Variants in NUTF2 observed in about 807,000 individuals in gnomAD.
NUTF2 encodes the protein nuclear transport factor 2.
A neutral mutation model predicts 18.5 loss-of-function variants in NUTF2; 3 were observed. The ratio of observed to expected loss-of-function variants is 0.16; its 90% CI spans 0.07 to 0.42. NUTF2 has a LOEUF of 0.42. NUTF2 is among the 10% of genes least tolerant of loss of function. NUTF2 has a pLI of 0.99. For missense variants in NUTF2, 44 were observed against 160.7 expected (o/e 0.27, Z 3.93); for synonymous variants, 51 against 57.9 (o/e 0.88, Z 0.54).
At chr16:67,869,002 C>A (rs2057993528) in intron 4 of NUTF2, among the ~76,000 whole-genome samples, 1 of 151,992 alleles carries the variant, frequency 6.6e-6, no homozygotes, top group Admixed American at 6.6e-5. Context: ...GCAGTCCACT[C>A]CTGCAGCCCT....
chr16:67,852,181 G>A (rs2057864333), intron 1 of NUTF2, among the ~76,000 whole-genome samples: 1 of 151,986 alleles, frequency 6.6e-6, no homozygotes, highest in Non-Finnish European at 1.5e-5. Context: ...TAGCCAGTGT[G>A]GTTGTGGTGT....
chr16:67,860,862 C>G (rs1327461190), intron 1 of NUTF2, among the ~76,000 whole-genome samples: 3 of 152,222 alleles, frequency 2.0e-5, no homozygotes, highest in Non-Finnish European at 2.9e-5. Flanking sequence ...GCTCTGTCTG[C>G]TTTGCTGAGA....
intron 4 of NUTF2, chr16:67,868,954 C>T (rs2057993229): frequency 4.9e-6 from 1 of 203,718 alleles, no homozygotes; most frequent in Non-Finnish European, 1.0e-5. Flanking sequence ...CCACTCTGCC[C>T]TAAGGTCAAG....
chr16:67,853,357 AATT>A (rs1281423039), intron 1 of NUTF2, among the ~76,000 whole-genome samples: 4 of 151,862 alleles, frequency 2.6e-5, no homozygotes, highest in Non-Finnish European at 4.4e-5. Flanking sequence ...ACGCTTGGCT[AATT>A]ATTATTATTA....
chr16:67,850,208 CTT>C (rs1257563525), intron 1 of NUTF2, among the ~76,000 whole-genome samples: 6 of 144,222 alleles, frequency 4.2e-5, no homozygotes, highest in Admixed American at 7.0e-5. Context: ...CCTGTAACTT[CTT>C]TTTTTTTTTT....
At chr16:67,868,149 C>T (rs1303301238) in intron 2 of NUTF2, among the ~76,000 whole-genome samples, 191 bp from the exon 3 acceptor site, 1 of 152,158 alleles carries the variant, frequency 6.6e-6, no homozygotes, top group Non-Finnish European at 1.5e-5. Flanking sequence ...AAAGCCTGGG[C>T]CCAGGGTCAA....
At chr16:67,857,593 C>G (rs556475802) in intron 1 of NUTF2, among the ~76,000 whole-genome samples, 1 of 152,332 alleles carries the variant, frequency 6.6e-6, no homozygotes, top group East Asian at 1.9e-4. Context: ...TGACTCCTTA[C>G]AGCTGGGTCC....
chr16:67,856,129 G>A, intron 1 of NUTF2: 1 of 440,514 alleles, frequency 2.3e-6, no homozygotes, highest in Non-Finnish European at 4.3e-6. Context: ...ACCTGATTTT[G>A]TCACTTAGGT....
chr16:67,868,275 T>G, intron 2 of NUTF2, 65 bp from the exon 3 acceptor site: 1 of 1,472,482 alleles, frequency 6.8e-7, no homozygotes. Context: ...TCAGAGTCTT[T>G]CCAGGGCCTT....
Position 67,854,884 on chromosome 16 carries a change from G to A in NUTF2, c.-30+7899G>A, listed in dbSNP as rs576425225. 2.0e-5 allele frequency among the ~76,000 whole-genome samples: 3 copies of A among 152,244 alleles called. No homozygotes were observed. In the South Asian group the frequency reaches 6.2e-4, roughly 32 times the overall value. On this transcript the variant is annotated intron_variant, in intron 1 of 4. Transcript: ENST00000219169. The stretch of plus-strand genomic sequence containing the variant: ...TTGAACCTGGGAGGCGGAGGTTGCG[G>A]TGAGCCAAGATCGCGCCACTGCACT...
At chr16:67,850,845 G>A (rs532528126) in intron 1 of NUTF2, among the ~76,000 whole-genome samples, 5 of 152,022 alleles carry the variant, frequency 3.3e-5, no homozygotes, top group African/African-American at 1.2e-4. Flanking sequence ...CTGTTGCCCA[G>A]GCTGGAGTGC....
intron 1 of NUTF2, among the ~76,000 whole-genome samples, chr16:67,855,360 G>C (rs549446428): frequency 2.0e-5 from 3 of 152,308 alleles, no homozygotes; most frequent in African/African-American, 7.2e-5. Flanking sequence ...GGCCTGCCTA[G>C]GGGCCACAGG....
rs71721636 is a variant in NUTF2, at chr16:67,869,084, CTTTTT to C, written c.270+498_270+502del. 2.4e-3 allele frequency among the ~76,000 whole-genome samples: 325 copies of C among 135,852 alleles called. 1 individual carries two copies. Among genetic ancestry groups the C allele is most frequent in the African/African-American group, 8.6e-3 (314 of 36,474 alleles). The allele number at this position is 135,852 out of a possible 152,430, so 89.1% of individuals were successfully genotyped here. ...AAGCAGATTCCTGGAACTCCTATTT[CTTTTT>C]TTTTTTTTTTTTGAGACGGAGTCTC... On this transcript the variant is annotated intron_variant, in intron 4 of 4. Transcript: ENST00000219169.
chr16:67,863,541 C>T lies in NUTF2; in HGVS notation c.-29-1561C>T, dbSNP rs537527774. 3.3e-4 allele frequency among the ~76,000 whole-genome samples: 51 copies of T among 152,316 alleles called. No individual in the cohort carries two copies. In the South Asian group the frequency reaches 6.4e-3, roughly 19 times the overall value. Reference sequence around the variant, plus strand: ...GTGAGCTAGCACTTACCATGTTGAGCTGAGGGCTTTATCATGTTCCTTTAG... The same window carrying T: ...GTGAGCTAGCACTTACCATGTTGAGTTGAGGGCTTTATCATGTTCCTTTAG... On this transcript the variant is annotated intron_variant, in intron 1 of 4. Transcript: ENST00000219169.
intron 1 of NUTF2, among the ~76,000 whole-genome samples, chr16:67,857,999 ATAGT>A (rs751737704): frequency 2.6e-5 from 4 of 152,158 alleles, no homozygotes; most frequent in African/African-American, 4.8e-5. Flanking sequence ...TAGTCAACAA[ATAGT>A]TTGTTTGAGG....
At position 67,870,873 on chromosome 16, in the gene NUTF2, C is replaced by T; in HGVS notation, c.344C>T (p.Thr115Ile). ...LKNINDAWVC[T>I]NDMFRLALHN... ...AACATCAACGATGCTTGGGTTTGCACCAATGACATGTTCAGGCTCGCCCTG... is the reference window on the plus strand; with the variant it reads ...AACATCAACGATGCTTGGGTTTGCATCAATGACATGTTCAGGCTCGCCCTG... Residue 115 changes from threonine to isoleucine, a missense_variant, in exon 5 of 5, where the codon ACC (threonine) becomes ATC (isoleucine). Physicochemically the swap from Thr to Ile is moderately conservative, Grantham distance 89. Coordinates refer to ENST00000219169, the MANE Select transcript of NUTF2 (RefSeq NM_005796.3). 6.2e-7 allele frequency: 1 copy of T among 1,613,978 alleles called. No homozygotes were observed. The highest frequency in any genetic ancestry group is 8.5e-7 in the Non-Finnish European group (1 of 1,179,860).
intron 4 of NUTF2, chr16:67,870,018 C>G (rs1175067026): frequency 6.6e-6 from 1 of 152,228 alleles, no homozygotes; most frequent in African/African-American, 2.4e-5. Flanking sequence ...CCTGGACTTT[C>G]CTGTCAGTTT....
intron 1 of NUTF2, among the ~76,000 whole-genome samples, chr16:67,856,714 T>A (rs2151296461): frequency 6.6e-6 from 1 of 151,990 alleles, no homozygotes; most frequent in East Asian, 1.9e-4. Context: ...TTCATCATGT[T>A]GGCCAGGCTG....
chr16:67,859,165 C>T (rs1328981242), intron 1 of NUTF2, among the ~76,000 whole-genome samples: 2 of 151,832 alleles, frequency 1.3e-5, no homozygotes, highest in African/African-American at 2.4e-5. Context: ...TTTTTACACT[C>T]TGGCTCCGAG....
Sources: gnomAD v4.1 joint callset for allele counts (sites outside exome capture counted in the v4.1 genomes callset) on GRCh38, gnomAD v4.1.1 for gene constraint, MANE v1.5 for transcripts, NCBI Gene and HGNC (gene_info 2026-07-23, HGNC 2026-07-21) for gene names.